The following PLEKHA1 variants were observed in gnomAD, a reference collection of about 807,000 sequenced individuals.
The protein encoded by PLEKHA1 is pleckstrin homology domain-containing family A member 1.
PLEKHA1 carries 34 observed loss-of-function variants against 52.0 expected under a neutral mutation model. The observed-to-expected ratio is 0.65, with a 90% confidence interval of 0.50 to 0.87. The LOEUF (loss-of-function observed/expected upper bound fraction) is 0.87. Ranked by LOEUF, PLEKHA1 falls within the 40% of genes least tolerant of loss-of-function variation. PLEKHA1 has a pLI of 0.00. For missense variants in PLEKHA1, 497 were observed against 504.2 expected (o/e 0.99, Z 0.14); for synonymous variants, 163 against 170.7 (o/e 0.95, Z 0.35).
chr10:122,437,520 A>G, the PLEKHA1 span: 8 of 152,346 alleles, frequency 5.3e-5, no homozygotes, highest in East Asian at 1.5e-3. Flanking sequence ...ATTCGGTGCT[A>G]TTGAAGGCTT....
chr10:122,415,089 C>T (rs1040725700), intron 6 of PLEKHA1, among the ~76,000 whole-genome samples: 3 of 152,024 alleles, frequency 2.0e-5, no homozygotes. Flanking sequence ...AGTTAAACAA[C>T]TGGTCATCCA....
chr10:122,419,891 TG>T (rs1780923762), intron 8 of PLEKHA1: 1 of 152,246 alleles, frequency 6.6e-6, no homozygotes, highest in Non-Finnish European at 1.5e-5. Flanking sequence ...TAATAGTTCT[TG>T]TTTCAGCTCC....
intron 1 of PLEKHA1, among the ~76,000 whole-genome samples, chr10:122,375,909 GAGTT>G (rs762425873): frequency 6.6e-5 from 10 of 152,100 alleles, no homozygotes; most frequent in Non-Finnish European, 1.0e-4. Context: ...TGCCCCTTGT[GAGTT>G]AGTTTTCTAA....
chr10:122,424,171 G>T lies in PLEKHA1; in HGVS notation c.682-28G>T, dbSNP rs867481129. ...TTTTAAGAATAAACATCATGTAACT[G>T]TTTTTTTTTTTTTTTTTTTTTTGCC... is the stretch of plus-strand genomic sequence containing the variant. On this transcript the variant is annotated intron_variant, in intron 8 of 11. Coordinates refer to ENST00000368990, the MANE Select transcript of PLEKHA1 (RefSeq NM_001001974.4). The T allele has an allele frequency of 2.9e-3, 2,765 of 954,464 alleles. 7 individuals are homozygous for T. Among genetic ancestry groups the T allele is most frequent in the African/African-American group, 0.018 (870 of 49,444 alleles). The allele number at this position is 954,464 out of a possible 1,614,324, so 59.1% of individuals were successfully genotyped here. A position where few individuals can be genotyped will look rare whatever the true frequency, so the allele number is the denominator to read the frequency against.
chr10:122,427,198 C>T (rs2292626), intron 11 of PLEKHA1, among the ~76,000 whole-genome samples, 167 bp downstream of exon 11: 70,859 of 152,032 alleles, frequency 0.47, 17,312 homozygotes, highest in East Asian at 0.62. Context: ...TTTAATGCTT[C>T]CTTGTAGTAT....
intron 1 of PLEKHA1, among the ~76,000 whole-genome samples, chr10:122,391,750 T>A (rs960540214): frequency 1.3e-5 from 2 of 151,970 alleles, no homozygotes; most frequent in Non-Finnish European, 2.9e-5. Context: ...TTTTTTTTTT[T>A]ACAAACATGG....
At chr10:122,398,428 G>A (rs1056633566) in intron 3 of PLEKHA1, among the ~76,000 whole-genome samples, 10 of 151,672 alleles carry the variant, frequency 6.6e-5, no homozygotes, top group Non-Finnish European at 1.3e-4. Context: ...TTTTCACTTT[G>A]TCTCTTTTCA....
intron 3 of PLEKHA1, among the ~76,000 whole-genome samples, chr10:122,399,651 C>T (rs1318003563): frequency 4.6e-5 from 7 of 152,036 alleles, no homozygotes; most frequent in Admixed American, 2.6e-4. Flanking sequence ...GGCGCGATCT[C>T]GGCTCACTGC....
At chr10:122,428,743 T>TA (rs2097376805) in intron 11 of PLEKHA1, among the ~76,000 whole-genome samples, 1 of 152,338 alleles carries the variant, frequency 6.6e-6, no homozygotes, top group Non-Finnish European at 1.5e-5. Context: ...GCATGGCATT[T>TA]AAAAATCTCT....
At chr10:122,425,143 G>A in intron 10 of PLEKHA1, 184 bp downstream of exon 10, 1 of 409,156 alleles carries the variant, frequency 2.4e-6, no homozygotes, top group Non-Finnish European at 4.2e-6. Flanking sequence ...TCAGGAAGTG[G>A]GAGTATTTGT....
chr10:122,380,277 A>G (rs2096596401), intron 1 of PLEKHA1, among the ~76,000 whole-genome samples: 1 of 152,218 alleles, frequency 6.6e-6, no homozygotes, highest in Non-Finnish European at 1.5e-5. Flanking sequence ...CCACTGTGTT[A>G]GGCATTGGAG....
At chr10:122,407,276 C>T (rs1056084362) in intron 5 of PLEKHA1, among the ~76,000 whole-genome samples, 4 of 152,148 alleles carry the variant, frequency 2.6e-5, no homozygotes, top group Non-Finnish European at 5.9e-5. Context: ...GGTACCCTTG[C>T]CCTCCTTTCC....
At chr10:122,423,042 T>C (rs1295563999) in intron 8 of PLEKHA1, 2 of 152,086 alleles carry the variant, frequency 1.3e-5, no homozygotes, top group Non-Finnish European at 2.9e-5. Context: ...TTTTTCTCAG[T>C]CTCTTATTAA....
In PLEKHA1 at chr10:122,393,685, T is replaced by A. The variant is rs1021504280; in HGVS notation, c.141+344T>A. On this transcript the variant is annotated intron_variant, in intron 2 of 11. Transcript: ENST00000368990. This position sits in a 1 kb window ranked among gnomAD's most constrained non-coding sequence, Gnocchi z 4.5. The stretch of plus-strand genomic sequence containing the variant: ...CCAAAAATAAGAAATACTTTTTTTG[T>A]AACATGTATTTCAAACAACAGCTAA... Among the ~76,000 whole-genome samples, 9 of 152,332 alleles carry A rather than the reference T, an allele frequency of 5.9e-5. No individual in the cohort carries two copies. The highest frequency in any genetic ancestry group is 1.9e-4 in the African/African-American group (8 of 41,578).
intron 1 of PLEKHA1, among the ~76,000 whole-genome samples, chr10:122,391,500 A>C (rs926493625): frequency 1.3e-5 from 2 of 152,164 alleles, no homozygotes; most frequent in Non-Finnish European, 2.9e-5. Flanking sequence ...TTGTACCAGC[A>C]CCAGTTGTTG....
intron 4 of PLEKHA1, among the ~76,000 whole-genome samples, chr10:122,402,762 A>G (rs976796146): frequency 1.3e-5 from 2 of 152,194 alleles, no homozygotes; most frequent in Non-Finnish European, 2.9e-5. Context: ...GTCTCCAGAA[A>G]TAGAATCAGT....
downstream of PLEKHA1, chr10:122,437,110 G>A (rs1384509556): frequency 6.7e-6 from 1 of 148,926 alleles, no homozygotes; most frequent in Non-Finnish European, 1.5e-5. Context: ...GGTCCCAATG[G>A]CGTCTGTTTC....
chr10:122,384,842 G>A (rs1210707463), intron 1 of PLEKHA1, among the ~76,000 whole-genome samples: 1 of 152,154 alleles, frequency 6.6e-6, no homozygotes, highest in Non-Finnish European at 1.5e-5. Context: ...TGTAATCTTA[G>A]CTACTCAGGA....
chr10:122,396,875 C>T (rs900857950), intron 2 of PLEKHA1, among the ~76,000 whole-genome samples: 4 of 152,048 alleles, frequency 2.6e-5, no homozygotes, highest in Non-Finnish European at 4.4e-5. Flanking sequence ...CTACCTCTAT[C>T]TTCCTCTTCT....
Sources: gnomAD v4.1 joint callset for allele counts (sites outside exome capture counted in the v4.1 genomes callset) on GRCh38, gnomAD v4.1.1 for gene constraint, Gnocchi (gnomAD v3.1) non-coding constraint, MANE v1.5 for transcripts, NCBI Gene and HGNC (gene_info 2026-07-23, HGNC 2026-07-21) for gene names.